The following PCDH11Y variants were observed in gnomAD, a reference collection of about 807,000 sequenced individuals.
The protein encoded by PCDH11Y is protocadherin 11 Y-linked.
For missense variants in PCDH11Y, 12 were observed against 224.8 expected (o/e 0.05, Z 6.05); for synonymous variants, 9 against 83.6 (o/e 0.11, Z 4.87).
chrY:5,520,988 A>G, intron 3 of PCDH11Y, among the ~76,000 whole-genome samples: 4 of 30,778 alleles, frequency 1.3e-4, no homozygotes, highest in Non-Finnish European at 2.3e-4. Flanking sequence ...GGCATGTGTC[A>G]TCTTTCAGTC....
chrY:5,033,713 G>C, intron 3 of PCDH11Y, among the ~76,000 whole-genome samples: 1 of 30,669 alleles, frequency 3.3e-5, no homozygotes, highest in Non-Finnish European at 7.8e-5. Flanking sequence ...AAATTTCTCA[G>C]ACATTTTAAG....
intron 4 of PCDH11Y, among the ~76,000 whole-genome samples, chrY:5,677,544 TG>T (rs2053554618): frequency 3.0e-5 from 1 of 33,388 alleles, no homozygotes; most frequent in Non-Finnish European, 7.4e-5. Context: ...ACTAAGTGAA[TG>T]AGTTGTCTTT....
At chrY:5,232,331 G>A in intron 2 of PCDH11Y, among the ~76,000 whole-genome samples, 13 of 33,152 alleles carry the variant, frequency 3.9e-4, no homozygotes, top group African/African-American at 1.4e-3. Context: ...GACTGACCAA[G>A]ACCCTCAATG....
At chrY:5,467,667 G>A (rs2053309602) in intron 2 of PCDH11Y, among the ~76,000 whole-genome samples, 1 of 32,691 alleles carries the variant, frequency 3.1e-5, no homozygotes, top group Non-Finnish European at 7.6e-5. Flanking sequence ...TATAACATTT[G>A]TTTTTCTCTA....
chrY:5,077,078 C>T (rs2052710841), intron 1 of PCDH11Y, among the ~76,000 whole-genome samples: 1 of 32,309 alleles, frequency 3.1e-5, no homozygotes, highest in Non-Finnish European at 7.6e-5. Flanking sequence ...TTTTGGTGCC[C>T]TCTTCAATTG....
At chrY:5,444,249 T>A in intron 2 of PCDH11Y, among the ~76,000 whole-genome samples, 1 of 30,435 alleles carries the variant, frequency 3.3e-5, no homozygotes, top group African/African-American at 1.3e-4. Flanking sequence ...ACACCTACTA[T>A]ATACCCGCAA....
chrY:5,238,706 A>T (rs1602891691), intron 2 of PCDH11Y, among the ~76,000 whole-genome samples: 4 of 32,367 alleles, frequency 1.2e-4, no homozygotes, highest in Middle Eastern at 0.027. Context: ...GAATCTACAA[A>T]TAACTCAAAC....
At chrY:5,199,515 G>A in intron 2 of PCDH11Y, among the ~76,000 whole-genome samples, 7 of 32,288 alleles carry the variant, frequency 2.2e-4, no homozygotes, top group Non-Finnish European at 3.8e-4. Context: ...TCTCACTCCT[G>A]AACTCAGGTG....
chrY:5,190,050 C>G, intron 2 of PCDH11Y, among the ~76,000 whole-genome samples: 1 of 33,052 alleles, frequency 3.0e-5, no homozygotes, highest in Admixed American at 2.7e-4. Context: ...CAGGTGGGCC[C>G]TTGAAAATTC....
chrY:5,591,185 T>C, intron 4 of PCDH11Y, among the ~76,000 whole-genome samples: 1 of 32,267 alleles, frequency 3.1e-5, no homozygotes, highest in Non-Finnish European at 7.5e-5. Context: ...AGGAGCAGTT[T>C]CCCCCATGGT....
chrY:5,223,035 A>G (rs1602889000), intron 2 of PCDH11Y, among the ~76,000 whole-genome samples: 2 of 32,853 alleles, frequency 6.1e-5, no homozygotes, highest in Non-Finnish European at 1.5e-4. Context: ...ATAAAATTCA[A>G]CATACTTTTA....
intron 2 of PCDH11Y, among the ~76,000 whole-genome samples, chrY:5,247,154 AC>A (rs2052997002): frequency 3.0e-5 from 1 of 33,158 alleles, no homozygotes; most frequent in South Asian, 6.7e-4. Flanking sequence ...AGACCTTAAC[AC>A]CCCACTGTCA....
chrY:5,019,254 C>T, intron 1 of PCDH11Y: 1 of 32,857 alleles, frequency 3.0e-5, no homozygotes, highest in African/African-American at 1.2e-4. Flanking sequence ...CCTCCAAGAA[C>T]GGTGTTCCCC....
downstream of PCDH11Y, among the ~76,000 whole-genome samples, chrY:5,107,900 A>G (rs2052794133): frequency 3.1e-5 from 1 of 32,139 alleles, no homozygotes; most frequent in Non-Finnish European, 7.6e-5. Flanking sequence ...TCTACTAAAA[A>G]TACAAAAAAT....
chrY:5,701,361 T>G, intron 4 of PCDH11Y, among the ~76,000 whole-genome samples: 1 of 32,050 alleles, frequency 3.1e-5, no homozygotes, highest in Non-Finnish European at 7.6e-5. Context: ...AAAATAGGTT[T>G]GTGGTCCCGG....
At chrY:5,102,149 G>A, downstream of PCDH11Y, among the ~76,000 whole-genome samples, 3 of 31,778 alleles carry the variant, frequency 9.4e-5, no homozygotes, top group African/African-American at 3.7e-4. Context: ...AAGAATTTAC[G>A]CTGCAGTTGT....
At chrY:5,132,038 A>G (rs2052834786) in intron 2 of PCDH11Y, among the ~76,000 whole-genome samples, 1 of 33,122 alleles carries the variant, frequency 3.0e-5, no homozygotes, top group Non-Finnish European at 7.5e-5. Context: ...AGTACTCAAT[A>G]CAGTATGATT....
chrY:5,203,345 G>T (rs2052928801), intron 2 of PCDH11Y, among the ~76,000 whole-genome samples: 1 of 20,233 alleles, frequency 4.9e-5, no homozygotes, highest in African/African-American at 2.2e-4. Flanking sequence ...ATCGCAGTTT[G>T]GTTTGGTGCC....
chrY:5,122,164 C>T, intron 2 of PCDH11Y, among the ~76,000 whole-genome samples: 1 of 32,743 alleles, frequency 3.1e-5, no homozygotes, highest in Admixed American at 2.8e-4. Flanking sequence ...ACCTTAATCA[C>T]AGGGCATGGT....
Sources: gnomAD v4.1 joint callset for allele counts (sites outside exome capture counted in the v4.1 genomes callset) on GRCh38, gnomAD v4.1.1 for gene constraint, MANE v1.5 for transcripts, NCBI Gene and HGNC (gene_info 2026-07-23, HGNC 2026-07-21) for gene names.